The following TACR3 variants were observed in gnomAD, a reference collection of about 807,000 sequenced individuals.
The protein encoded by TACR3 is neuromedin-K receptor.
In TACR3, 34 loss-of-function variants were observed where a neutral mutation model predicts 35.0. The observed-to-expected ratio is 0.97, with a 90% confidence interval of 0.74 to 1.30. The LOEUF (loss-of-function observed/expected upper bound fraction) is 1.30. Ranked by LOEUF, TACR3 falls within the 50% of genes most tolerant of loss-of-function variation. The pLI is 0.00. For missense variants in TACR3, 558 were observed against 591.7 expected, an observed-to-expected ratio of 0.94 and a Z score of 0.59; for synonymous variants, 233 against 221.1, an observed-to-expected ratio of 1.05 and a Z score of -0.48.
At chr4:103,680,487 AC>A (rs1392360088) in intron 1 of TACR3, among the ~76,000 whole-genome samples, 1 of 141,430 alleles carries the variant, frequency 7.1e-6, no homozygotes, top group Non-Finnish European at 1.5e-5. Flanking sequence ...ATATATATAT[AC>A]ATACATACAC....
At chr4:103,618,788 T>C (rs527253209) in intron 3 of TACR3, among the ~76,000 whole-genome samples, 2 of 152,210 alleles carry the variant, frequency 1.3e-5, no homozygotes, top group South Asian at 4.1e-4. Context: ...TGTTTTGTAG[T>C]TCTCCTTGTA....
intron 1 of TACR3, among the ~76,000 whole-genome samples, chr4:103,713,876 C>T (rs1316266884): frequency 1.3e-5 from 2 of 152,100 alleles, no homozygotes; most frequent in South Asian, 2.1e-4. Flanking sequence ...AGTTGGAAGC[C>T]GAGAGGTGAG....
chr4:103,680,299 T>C (rs1356730439), intron 1 of TACR3, among the ~76,000 whole-genome samples: 1 of 151,646 alleles, frequency 6.6e-6, no homozygotes, highest in African/African-American at 2.4e-5. Flanking sequence ...AAAATGGTGC[T>C]TAGTCTGTAG....
chr4:103,696,851 C>G (rs1275794185), intron 1 of TACR3, among the ~76,000 whole-genome samples: 1 of 152,152 alleles, frequency 6.6e-6, no homozygotes, highest in Non-Finnish European at 1.5e-5. Flanking sequence ...TATCACTTCT[C>G]AATTCTTTTT....
intron 3 of TACR3, among the ~76,000 whole-genome samples, chr4:103,624,087 C>T (rs1480482697): frequency 1.3e-5 from 2 of 152,160 alleles, no homozygotes; most frequent in African/African-American, 2.4e-5. Context: ...TTAATCCACA[C>T]GGGTAACATT....
chr4:103,623,654 A>C (rs2110305653), intron 3 of TACR3, among the ~76,000 whole-genome samples: 1 of 152,268 alleles, frequency 6.6e-6, no homozygotes, highest in Non-Finnish European at 1.5e-5. Context: ...ACCAGAGAGC[A>C]ATAGAAACTG....
intron 3 of TACR3, among the ~76,000 whole-genome samples, chr4:103,606,825 C>A (rs1217781218): frequency 1.3e-5 from 2 of 152,260 alleles, no homozygotes; most frequent in East Asian, 3.9e-4. Flanking sequence ...CCTTCTCCGG[C>A]CTAATTGCCC....
intron 1 of TACR3, among the ~76,000 whole-genome samples, chr4:103,716,031 G>A (rs1723082233): frequency 6.6e-6 from 1 of 152,222 alleles, no homozygotes. Context: ...ATAGTGTAGA[G>A]GTGAAGAGAA....
chr4:103,629,845 C>CAAAAAAAAAAA (rs1487546451), intron 3 of TACR3, among the ~76,000 whole-genome samples: 5 of 59,540 alleles, frequency 8.4e-5, no homozygotes, highest in African/African-American at 1.7e-4. Flanking sequence ...CAATCCTAAG[C>CAAAAAAAAAAA]AAAACAAAAA....
Position 103,662,217 on chromosome 4 carries a change from G to GGTTTTTTTT in TACR3, c.549-3815_549-3814insAAAAAAAAC, listed in dbSNP as rs1553972885. Among the ~76,000 whole-genome samples, 5 of 86,272 alleles carry GGTTTTTTTT rather than the reference G, an allele frequency of 5.8e-5. 2 individuals are homozygous for GGTTTTTTTT. Among genetic ancestry groups the GGTTTTTTTT allele is most frequent in the Non-Finnish European group, 9.2e-5 (4 of 43,336 alleles). The allele number at this position is 86,272 out of a possible 152,430, so 56.6% of individuals were successfully genotyped here. ...TGTGAAAAACTCCTATGTTGATGGT[G>GGTTTTTTTT]TTTTTTTTTTTTTTTTTTTTGAGAC... is the stretch of plus-strand genomic sequence containing the variant. On this transcript the variant is annotated intron_variant, in intron 1 of 4. Coordinates refer to ENST00000304883, the MANE Select transcript of TACR3 (RefSeq NM_001059.3).
chr4:103,686,041 A>C (rs969977246), intron 1 of TACR3, among the ~76,000 whole-genome samples: 6 of 152,198 alleles, frequency 3.9e-5, no homozygotes, highest in Non-Finnish European at 7.4e-5. Flanking sequence ...CAGTGGTTAA[A>C]ACATAGCAGT....
chr4:103,699,877 G>A (rs950675602), intron 1 of TACR3, among the ~76,000 whole-genome samples: 11 of 110,432 alleles, frequency 1.0e-4, no homozygotes, highest in African/African-American at 3.9e-4. Context: ...ACACTCAGAT[G>A]GCGATGTTGA....
intron 3 of TACR3, among the ~76,000 whole-genome samples, chr4:103,655,542 A>C (rs1371980940): frequency 6.6e-6 from 1 of 152,114 alleles, no homozygotes; most frequent in Admixed American, 6.6e-5. Flanking sequence ...AAAAATCTCA[A>C]TAAAATAATC....
chr4:103,654,261 G>C (rs1351252702), intron 3 of TACR3, among the ~76,000 whole-genome samples: 1 of 151,298 alleles, frequency 6.6e-6, no homozygotes, highest in African/African-American at 2.4e-5. Context: ...TGTTTATTGT[G>C]GCACTATTCA....
At chr4:103,707,666 G>A (rs2110228196) in intron 1 of TACR3, among the ~76,000 whole-genome samples, 1 of 152,136 alleles carries the variant, frequency 6.6e-6, no homozygotes, top group African/African-American at 2.4e-5. Flanking sequence ...AGGACAGTGG[G>A]TGCAGCCCAC....
intron 3 of TACR3, among the ~76,000 whole-genome samples, chr4:103,629,320 T>C (rs913121524): frequency 2.0e-5 from 3 of 151,954 alleles, no homozygotes; most frequent in Admixed American, 6.6e-5. Context: ...AAATAAAGGG[T>C]ATTCAATTAG....
At chr4:103,624,610 G>A (rs79545460) in intron 3 of TACR3, 2 of 152,004 alleles carry the variant, frequency 1.3e-5, no homozygotes, top group Admixed American at 6.6e-5. Context: ...AAGTCTCCCC[G>A]AAATCTTTGT....
At position 103,586,995 on chromosome 4, in the gene TACR3, A is replaced by T. The variant is rs1036747755; in HGVS notation, c.*2687T>A. 3 of 152,018 alleles carry T rather than the reference A, an allele frequency of 2.0e-5. No individual in the cohort carries two copies. The highest frequency in any genetic ancestry group is 4.8e-5 in the African/African-American group (2 of 41,398). 9.4% of individuals were successfully genotyped at this position (152,018 alleles called of 1,614,324 possible). On this transcript the variant is annotated 3_prime_UTR_variant, in exon 5 of 5. Coordinates refer to ENST00000304883, the MANE Select transcript of TACR3 (RefSeq NM_001059.3). ...TTCTGATACTGATCTAAGTAAAAAA[A>T]CCTGGGCTGTTTTAACCATCTGCCT...
chr4:103,685,028 T>A lies in TACR3; in HGVS notation c.549-26625A>T, dbSNP rs529749575. ...ATAAATAAATAAATAAATAAATAAA[T>A]AAAATGTATATTAACTAGTTTAAAA... On this transcript the variant is annotated intron_variant, in intron 1 of 4. Transcript: ENST00000304883. Among the ~76,000 whole-genome samples the A allele has an allele frequency of 6.2e-5, 9 of 146,292 alleles. No individual in the cohort carries two copies. The South Asian group carries it at 1.7e-3, about 28-fold the overall frequency.
Sources: gnomAD v4.1 joint callset for allele counts (sites outside exome capture counted in the v4.1 genomes callset) on GRCh38, gnomAD v4.1.1 for gene constraint, MANE v1.5 for transcripts, NCBI Gene and HGNC (gene_info 2026-07-23, HGNC 2026-07-21) for gene names.